The following TRAF2 variants were observed in gnomAD, a reference collection of about 807,000 sequenced individuals.
The protein encoded by TRAF2 is TNF receptor associated factor 2.
TRAF2 carries 6 observed loss-of-function variants against 55.6 expected under a neutral mutation model. The observed-to-expected ratio is 0.11, with a 90% CI of 0.06 to 0.21. The LOEUF (loss-of-function observed/expected upper bound fraction) is 0.21. Among genes scored for constraint, TRAF2 ranks in the 10% least tolerant of loss-of-function variants. The pLI, the probability that TRAF2 is intolerant of heterozygous loss-of-function variation, is 1.00. For missense variants in TRAF2, 561 were observed against 684.5 expected (o/e 0.82, Z 2.01); for synonymous variants, 329 against 276.3 (o/e 1.19, Z -1.89).
At chr9:136,925,206 G>C (rs71508879) in intron 10 of TRAF2, among the ~76,000 whole-genome samples, 2 of 152,202 alleles carry the variant, frequency 1.3e-5, no homozygotes, top group African/African-American at 2.4e-5. Context: ...AGGGGGTGTG[G>C]AGGGCCCACA....
chr9:136,919,892 A>T (rs947780062), intron 7 of TRAF2, among the ~76,000 whole-genome samples: 22 of 151,910 alleles, frequency 1.4e-4, no homozygotes, highest in Non-Finnish European at 2.4e-4. Context: ...ATTTTTAAAA[A>T]TTTTTTGTAG....
At chr9:136,889,980 A>G (rs1269819348) in intron 1 of TRAF2, among the ~76,000 whole-genome samples, 1 of 77,930 alleles carries the variant, frequency 1.3e-5, no homozygotes, top group Non-Finnish European at 2.6e-5. Context: ...TCAGCCGGTC[A>G]CCGCGTGTGT....
At position 136,926,313 on chromosome 9, in the gene TRAF2, A is replaced by G; in HGVS notation, c.*412A>G. 2.9e-6 allele frequency: 1 copy of G among 348,866 alleles called. No individual in the cohort carries two copies. The highest frequency in any genetic ancestry group is 3.8e-5 in the Admixed American group (1 of 26,250). 21.6% of individuals were successfully genotyped at this position (348,866 alleles called of 1,614,324 possible). A position where few individuals can be genotyped will look rare whatever the true frequency, so the allele number is the denominator to read the frequency against. On this transcript the variant is annotated 3_prime_UTR_variant, in exon 11 of 11. Coordinates refer to ENST00000247668, the MANE Select transcript of TRAF2 (RefSeq NM_021138.4). Reference sequence around the variant, plus strand: ...TGTCCCTCGGGCATGACAGGCAGAAACGAGGGCTGCTCCAGGAGAAGGGCC... The same window carrying G: ...TGTCCCTCGGGCATGACAGGCAGAAGCGAGGGCTGCTCCAGGAGAAGGGCC...
Position 136,898,715 on chromosome 9 carries a change from C to A in TRAF2, c.-26C>A. On this transcript the variant is annotated splice_region_variant and 5_prime_UTR_variant, in exon 2 of 11. Coordinates refer to ENST00000247668, the MANE Select transcript of TRAF2 (RefSeq NM_021138.4). ...ACGTGCTGTGTGTTCTTCCTTAGGGCTTTGTTCGCGGGGGTCACAGCTCTC... is the reference window on the plus strand; with the variant it reads ...ACGTGCTGTGTGTTCTTCCTTAGGGATTTGTTCGCGGGGGTCACAGCTCTC... The A allele has an allele frequency of 6.2e-7, 1 of 1,612,694 alleles. No individual in the cohort carries two copies. Among genetic ancestry groups the A allele is most frequent in the Non-Finnish European group, 8.5e-7 (1 of 1,179,976 alleles).
At chr9:136,884,613 G>A (rs1164514478), upstream of TRAF2, among the ~76,000 whole-genome samples, 3 of 152,296 alleles carry the variant, frequency 2.0e-5, no homozygotes, top group African/African-American at 7.2e-5. Flanking sequence ...CTGGAGTGCA[G>A]TGGTGCAACC....
Position 136,900,528 on chromosome 9 carries a change from T to A in TRAF2, c.366+8T>A, listed in dbSNP as rs1342864659. The A allele has an allele frequency of 2.5e-6, 4 of 1,611,052 alleles. No homozygotes were observed. Among genetic ancestry groups the A allele is most frequent in the Non-Finnish European group, 3.4e-6 (4 of 1,177,332 alleles). On this transcript the variant is annotated splice_region_variant and intron_variant, in intron 4 of 10. Coordinates refer to ENST00000247668, the MANE Select transcript of TRAF2 (RefSeq NM_021138.4). ...ACCCTGAAAGAATACGAGGTAAAGA[T>A]GCCTGCGTGTGGCATGGTGACAGAA...
At chr9:136,907,676 T>C (rs17250826) in intron 4 of TRAF2, among the ~76,000 whole-genome samples, 1 of 152,150 alleles carries the variant, frequency 6.6e-6, no homozygotes, top group Non-Finnish European at 1.5e-5. Context: ...GCGTTGGGCT[T>C]GGTCATCAGA....
At chr9:136,895,163 T>A (rs1195175568) in intron 1 of TRAF2, among the ~76,000 whole-genome samples, 2 of 152,182 alleles carry the variant, frequency 1.3e-5, no homozygotes, top group African/African-American at 4.8e-5. Flanking sequence ...GTCCTGGGCC[T>A]GCTGGGAGAG....
chr9:136,887,460 G>T (rs966898342), intron 1 of TRAF2, among the ~76,000 whole-genome samples: 3 of 152,150 alleles, frequency 2.0e-5, no homozygotes, highest in African/African-American at 7.2e-5. Flanking sequence ...CCCGAGGGCT[G>T]AGGGTCAGTG....
intron 4 of TRAF2, among the ~76,000 whole-genome samples, 172 bp from the exon 5 acceptor site, chr9:136,907,895 TCTC>T (rs1192645731): frequency 1.3e-5 from 2 of 151,576 alleles, no homozygotes; most frequent in African/African-American, 2.4e-5. Flanking sequence ...ACTGATCTGA[TCTC>T]CTCCTGCCCT....
Position 136,925,922 on chromosome 9 carries a change from G to C in TRAF2, c.*21G>C. On this transcript the variant is annotated 3_prime_UTR_variant, in exon 11 of 11. Coordinates refer to ENST00000247668, the MANE Select transcript of TRAF2 (RefSeq NM_021138.4). The stretch of plus-strand genomic sequence containing the variant: ...TCTAACTGCCCCCTACTGGTGTCTG[G>C]GGGTTGGGGGCAGCCAGGCACAGCC... 6.2e-7 allele frequency: 1 copy of C among 1,613,198 alleles called. No individual in the cohort carries two copies. Among genetic ancestry groups the C allele is most frequent in the Non-Finnish European group, 8.5e-7 (1 of 1,179,568 alleles).
At chr9:136,882,202 A>G (rs940310160), upstream of TRAF2, among the ~76,000 whole-genome samples, 2 of 152,174 alleles carry the variant, frequency 1.3e-5, no homozygotes, top group Admixed American at 1.3e-4. Context: ...AAGGGTGCCA[A>G]CCACGCCCAA....
In TRAF2 at chr9:136,920,296, A is replaced by G. The variant is rs780718185; in HGVS notation, c.741A>G (p.Leu247=). The G allele has an allele frequency of 4.3e-6, 7 of 1,613,704 alleles. No individual in the cohort carries two copies. Among genetic ancestry groups the G allele is most frequent in the South Asian group, 2.2e-5 (2 of 91,084 alleles). Residue 247 remains leucine (L), a synonymous_variant, in exon 8 of 11, where the codon CTA becomes CTG. Transcript: ENST00000247668. ...VQWLREHLAM[L]LSSVLEAKPL... ...GGCTGCGGGAGCACCTGGCCATGCT[A>G]CTGAGCTCGGTGCTGGAGGCAAAGC...
rs1850418266 is a variant in TRAF2 at position 136,922,689 on chromosome 9, C to T, written c.1139-1163C>T. 4.9e-5 allele frequency among the ~76,000 whole-genome samples: 3 copies of T among 60,898 alleles called. 1 individual carries two copies. Among genetic ancestry groups the T allele is most frequent in the South Asian group, 1.3e-3 (2 of 1,518 alleles). 40.0% of individuals were successfully genotyped at this position (60,898 alleles called of 152,430 possible). The stretch of plus-strand genomic sequence containing the variant: ...GATGGGCCTGGGGGCGTGTGGAGGA[C>T]AGGGATGGGGAGGATGGGCCTGGGC... On this transcript the variant is annotated intron_variant, in intron 9 of 10. Transcript: ENST00000247668.
At chr9:136,908,288 G>A (rs1439457171) in intron 5 of TRAF2, 57 bp downstream of exon 5, 6 of 1,488,580 alleles carry the variant, frequency 4.0e-6, no homozygotes, top group Non-Finnish European at 5.3e-6. Flanking sequence ...CTGAGCTGGG[G>A]AGCTGCGTGC....
Position 136,908,245 on chromosome 9 carries a change from AGCAGCAGCCTGTGTG to A in TRAF2, c.528+17_528+31del, listed in dbSNP as rs1564413620. ...GCAGACGTGAAGGTGCGTGGGGTGG[AGCAGCAGCCTGTGTG>A]GCTGCAGCCATGCGGGGCTGAGCTG... On this transcript the variant is annotated intron_variant, in intron 5 of 10. Coordinates refer to ENST00000247668, the MANE Select transcript of TRAF2 (RefSeq NM_021138.4). 1 of 1,555,642 alleles carries A rather than the reference AGCAGCAGCCTGTGTG, an allele frequency of 6.4e-7. No homozygotes were observed. The highest frequency in any genetic ancestry group is 1.4e-5 in the African/African-American group (1 of 73,500).
At chr9:136,886,573 G>C (rs1849453505) in intron 1 of TRAF2, 32 bp downstream of exon 1, 1 of 982,348 alleles carries the variant, frequency 1.0e-6, no homozygotes. Flanking sequence ...GTGCGGGGTC[G>C]GGCGCGGGCG....
intron 1 of TRAF2, among the ~76,000 whole-genome samples, chr9:136,896,988 G>T (rs951184013): frequency 5.3e-5 from 8 of 152,166 alleles, no homozygotes; most frequent in African/African-American, 1.9e-4. Context: ...ACTCTGCCCA[G>T]TGAATGGGTC....
intron 4 of TRAF2, among the ~76,000 whole-genome samples, chr9:136,904,835 A>G (rs1198541874): frequency 1.7e-4 from 25 of 146,164 alleles, no homozygotes; most frequent in Non-Finnish European, 7.5e-5. Context: ...GTTACACACT[A>G]GTGTGGCCGA....
Sources: allele counts gnomAD v4.1 joint callset (sites outside exome capture counted in the v4.1 genomes callset), GRCh38; gene constraint gnomAD v4.1.1; transcripts MANE v1.5; gene names NCBI Gene and HGNC (gene_info 2026-07-23, HGNC 2026-07-21).